The following STK33 variants were observed in gnomAD, a reference collection of about 807,000 sequenced individuals.
STK33 encodes serine/threonine kinase 33.
STK33 carries 52 observed loss-of-function variants against 58.0 expected under a neutral mutation model. The observed-to-expected ratio is 0.90, with a 90% CI of 0.72 to 1.13. The LOEUF is 1.13. STK33 is among the 50% of genes most tolerant of loss of function. The probability of loss-of-function intolerance (pLI) is 0.00; values close to 1 mark genes in which losing one functional copy is unlikely to be tolerated. For missense variants in STK33, 630 were observed against 604.2 expected, an observed-to-expected ratio of 1.04 and a Z score of -0.45; for synonymous variants, 215 against 200.1, an observed-to-expected ratio of 1.07 and a Z score of -0.63.
In STK33 at chr11:8,570,097, A is replaced by T. The variant is rs573777733; in HGVS notation, c.-466+23986T>A. Among the ~76,000 whole-genome samples, 224 of 152,318 alleles carry T rather than the reference A, an allele frequency of 1.5e-3. 4 individuals carry two copies. The highest frequency in any genetic ancestry group is 0.013 in the South Asian group (61 of 4,828). On this transcript the variant is annotated intron_variant, in intron 1 of 15. Transcript: ENST00000687296. ...AAAATAAAAAGACAACCTGTTTTCA[A>T]AAAAATAGGCAAAAGAACAGATACT...
At chr11:8,457,598 T>C in intron 8 of STK33, 119 bp from the exon 9 acceptor site, 2 of 907,032 alleles carry the variant, frequency 2.2e-6, no homozygotes, top group Non-Finnish European at 3.2e-6. Flanking sequence ...TCAAAAGTAT[T>C]ATCTATTATG....
At chr11:8,536,950 TAAAA>T (rs879045592) in intron 1 of STK33, among the ~76,000 whole-genome samples, 12 of 86,930 alleles carry the variant, frequency 1.4e-4, no homozygotes, top group African/African-American at 3.0e-4. Flanking sequence ...CCCAGCTAAT[TAAAA>T]AAAAAAAAAA....
At chr11:8,367,376 C>T in the STK33 span, among the ~76,000 whole-genome samples, 80 of 152,280 alleles carry the variant, frequency 5.3e-4, no homozygotes, top group African/African-American at 1.7e-3. Context: ...CCCATGCTGA[C>T]GTGTGTTCAC....
intron 6 of STK33, among the ~76,000 whole-genome samples, chr11:8,469,900 AT>A (rs1948609089): frequency 6.6e-6 from 1 of 152,246 alleles, no homozygotes. Flanking sequence ...TGGGCTTAAA[AT>A]TTCAGTAAAC....
chr11:8,503,493 G>A (rs1951664033), intron 1 of STK33, among the ~76,000 whole-genome samples: 1 of 152,058 alleles, frequency 6.6e-6, no homozygotes, highest in Non-Finnish European at 1.5e-5. Context: ...GGAGTGTGAG[G>A]ATTCAAAAAA....
At chr11:8,502,469 A>C (rs1018703628) in intron 1 of STK33, among the ~76,000 whole-genome samples, 1 of 152,228 alleles carries the variant, frequency 6.6e-6, no homozygotes, top group Non-Finnish European at 1.5e-5. Context: ...TATACCATAT[A>C]CAAAAATCAA....
intron 6 of STK33, among the ~76,000 whole-genome samples, chr11:8,468,974 C>T (rs961189040): frequency 2.6e-5 from 4 of 152,044 alleles, no homozygotes; most frequent in Admixed American, 1.3e-4. Context: ...AAAAAAAATG[C>T]GAACAAACAT....
chr11:8,520,092 C>T (rs1049781738), intron 1 of STK33, among the ~76,000 whole-genome samples: 1 of 152,136 alleles, frequency 6.6e-6, no homozygotes, highest in African/African-American at 2.4e-5. Context: ...CTAAAATCCT[C>T]AATAAAATAC....
the STK33 span, among the ~76,000 whole-genome samples, chr11:8,342,419 T>C: frequency 6.6e-6 from 1 of 152,348 alleles, no homozygotes; most frequent in South Asian, 2.1e-4. Context: ...TAAGATGTCA[T>C]CTTTAGTTTC....
At chr11:8,487,453 GAGAA>G (rs1451421237) in intron 1 of STK33, among the ~76,000 whole-genome samples, 1 of 150,344 alleles carries the variant, frequency 6.7e-6, no homozygotes, top group East Asian at 1.9e-4. Flanking sequence ...GAGAGAGAGA[GAGAA>G]AGAGAGTTAC....
intron 7 of STK33, among the ~76,000 whole-genome samples, chr11:8,462,918 G>C (rs1308426815): frequency 7.2e-5 from 11 of 152,076 alleles, no homozygotes; most frequent in Non-Finnish European, 2.9e-5. Flanking sequence ...AAATCTCCCT[G>C]CAAGGGATAA....
At chr11:8,539,399 G>A (rs531684291) in intron 1 of STK33, among the ~76,000 whole-genome samples, 3 of 152,156 alleles carry the variant, frequency 2.0e-5, no homozygotes, top group Admixed American at 6.5e-5. Flanking sequence ...ATGAGTGATC[G>A]TTTAAGAATC....
At chr11:8,516,530 G>C (rs912692315) in intron 1 of STK33, among the ~76,000 whole-genome samples, 8 of 152,136 alleles carry the variant, frequency 5.3e-5, no homozygotes, top group Middle Eastern at 3.2e-3. Context: ...GAGCAGGATG[G>C]GGCATCACCT....
At chr11:8,565,049 A>G (rs1957355930) in intron 1 of STK33, among the ~76,000 whole-genome samples, 1 of 152,186 alleles carries the variant, frequency 6.6e-6, no homozygotes, top group South Asian at 2.1e-4. Context: ...TCTTCCTATT[A>G]TGACTCTAGA....
chr11:8,537,370 G>A (rs575262342), intron 1 of STK33, among the ~76,000 whole-genome samples: 30 of 152,054 alleles, frequency 2.0e-4, no homozygotes, highest in African/African-American at 6.3e-4. Flanking sequence ...GATTACAGGC[G>A]TAAACCACCA....
At chr11:8,488,091 T>C (rs1402084775) in intron 1 of STK33, among the ~76,000 whole-genome samples, 2 of 152,184 alleles carry the variant, frequency 1.3e-5, no homozygotes, top group Non-Finnish European at 2.9e-5. Flanking sequence ...CCAAGAACTG[T>C]CATTATTTTA....
intron 11 of STK33, among the ~76,000 whole-genome samples, chr11:8,447,194 A>G (rs144049246): frequency 1.0e-3 from 151 of 151,450 alleles, no homozygotes; most frequent in African/African-American, 3.5e-3. Context: ...TATGCAGCCA[A>G]CATACCAGAG....
chr11:8,593,386 C>G (rs1280475777), intron 1 of STK33, among the ~76,000 whole-genome samples: 3 of 152,152 alleles, frequency 2.0e-5, no homozygotes, highest in Non-Finnish European at 4.4e-5. Context: ...GGACGGGGAG[C>G]ACCAGACCAC....
At chr11:8,514,838 A>T (rs1050804180) in intron 1 of STK33, among the ~76,000 whole-genome samples, 2 of 152,254 alleles carry the variant, frequency 1.3e-5, no homozygotes, top group African/African-American at 4.8e-5. Flanking sequence ...ACAAGCAAAC[A>T]TGAATAAAAC....
Sources: allele counts gnomAD v4.1 joint callset (sites outside exome capture counted in the v4.1 genomes callset), GRCh38; gene constraint gnomAD v4.1.1; transcripts MANE v1.5; gene names NCBI Gene and HGNC (gene_info 2026-07-23, HGNC 2026-07-21).